The following STRBP variants were observed in gnomAD, a reference collection of about 807,000 sequenced individuals.
STRBP encodes the protein spermatid perinuclear RNA-binding protein.
STRBP carries 13 observed loss-of-function variants against 80.1 expected under a neutral mutation model. That is an observed-to-expected ratio of 0.16 (90% CI 0.11 to 0.26). The LOEUF (loss-of-function observed/expected upper bound fraction) is 0.26. Ranked by LOEUF, STRBP falls within the 10% of genes least tolerant of loss-of-function variation. The probability of loss-of-function intolerance (pLI) is 1.00; values close to 1 mark genes in which losing one functional copy is unlikely to be tolerated. For missense variants in STRBP, 485 were observed against 815.2 expected, an observed-to-expected ratio of 0.59 and a Z score of 4.93; for synonymous variants, 284 against 291.2, an observed-to-expected ratio of 0.98 and a Z score of 0.25.
chr9:123,204,955 GA>G (rs746699581), intron 2 of STRBP, among the ~76,000 whole-genome samples: 120 of 132,190 alleles, frequency 9.1e-4, no homozygotes, highest in Middle Eastern at 3.9e-3. Flanking sequence ...AGAAAGAAAG[GA>G]AAAAAAAAAA....
chr9:123,114,365 A>T (rs1366169793), intron 3 of STRBP: 1 of 167,172 alleles, frequency 6.0e-6, no homozygotes, highest in African/African-American at 2.4e-5. Flanking sequence ...ACGTCTTCCC[A>T]TGGGCTACAG....
intron 6 of STRBP, among the ~76,000 whole-genome samples, chr9:123,166,948 T>C (rs1263280089): frequency 6.6e-6 from 1 of 152,122 alleles, no homozygotes; most frequent in Non-Finnish European, 1.5e-5. Flanking sequence ...AGGAGGAAAC[T>C]TACCTATGAA....
intron 11 of STRBP, among the ~76,000 whole-genome samples, chr9:123,155,232 T>A (rs1417066464): frequency 6.6e-6 from 1 of 152,120 alleles, no homozygotes; most frequent in Non-Finnish European, 1.5e-5. Flanking sequence ...ATCAGATGAA[T>A]AAGGAGGTAG....
intron 11 of STRBP, among the ~76,000 whole-genome samples, chr9:123,156,743 C>A (rs2037304369): frequency 6.6e-6 from 1 of 150,940 alleles, no homozygotes; most frequent in Non-Finnish European, 1.5e-5. Context: ...TGTAGACTCT[C>A]TGAAAGTCTT....
chr9:123,156,422 G>T (rs2037286924), intron 11 of STRBP, among the ~76,000 whole-genome samples: 1 of 151,938 alleles, frequency 6.6e-6, no homozygotes, highest in African/African-American at 2.4e-5. Context: ...GGAGTTTACA[G>T]TGTGAGGCAC....
chr9:123,139,954 C>T (rs1452032295), intron 13 of STRBP, among the ~76,000 whole-genome samples: 2 of 152,082 alleles, frequency 1.3e-5, no homozygotes, highest in African/African-American at 4.8e-5. Context: ...ATTCCTAGTT[C>T]ATTTAATTTG....
chr9:123,149,292 C>T (rs2132358821), intron 11 of STRBP, among the ~76,000 whole-genome samples: 1 of 152,342 alleles, frequency 6.6e-6, no homozygotes, highest in East Asian at 1.9e-4. Flanking sequence ...CAACAGAAGG[C>T]AACGTTGGCT....
At chr9:123,263,946 G>A (rs941111548) in intron 1 of STRBP, among the ~76,000 whole-genome samples, 5 of 152,226 alleles carry the variant, frequency 3.3e-5, no homozygotes, top group Admixed American at 6.5e-5. Flanking sequence ...TTGGGAGGCC[G>A]AGGCGGGTGG....
At chr9:123,183,054 A>C (rs2038553132) in intron 3 of STRBP, among the ~76,000 whole-genome samples, 1 of 151,992 alleles carries the variant, frequency 6.6e-6, no homozygotes, top group Middle Eastern at 3.2e-3. Flanking sequence ...AATCAAAAAA[A>C]TCACCACCAA....
At chr9:123,116,989 T>A (rs986148485), downstream of STRBP, among the ~76,000 whole-genome samples, 1 of 152,198 alleles carries the variant, frequency 6.6e-6, no homozygotes, top group Non-Finnish European at 1.5e-5. Flanking sequence ...GGGGCCACAA[T>A]GCTTTGCCAC....
chr9:123,196,606 T>C (rs2039098682), intron 2 of STRBP, among the ~76,000 whole-genome samples: 2 of 152,150 alleles, frequency 1.3e-5, no homozygotes, highest in South Asian at 4.1e-4. Flanking sequence ...AAAGAAGGCA[T>C]ACTAATGGCA....
chr9:123,160,640 G>C (rs888839545), intron 7 of STRBP, among the ~76,000 whole-genome samples, 178 bp from the exon 8 acceptor site: 64 of 152,072 alleles, frequency 4.2e-4, no homozygotes, highest in African/African-American at 1.5e-3. Context: ...AAAAATAAAA[G>C]GACCATAATA....
Position 123,158,091 on chromosome 9 carries a change from A to G in STRBP, c.966T>C (p.Ile322=), listed in dbSNP as rs749516916. 6.2e-7 allele frequency: 1 copy of G among 1,610,138 alleles called. No homozygotes were observed. Among genetic ancestry groups the G allele is most frequent in the South Asian group, 1.1e-5 (1 of 90,726 alleles). The change falls in exon 11 of 19, where the codon ATT becomes ATC. Residue 322 remains isoleucine (I), a synonymous_variant. Coordinates refer to ENST00000348403, the MANE Select transcript of STRBP (RefSeq NM_018387.5). ...GGGGGTCCATCTCCAGCACTTTGTA[A>G]ATCTGGCCAAAGGCTGATAGTCTGA... is the stretch of plus-strand genomic sequence containing the variant. ...HALRLSAFGQ[I]YKVLEMDPLP... is the part of the protein sequence containing the mutation.
At chr9:123,127,025 C>T (rs569701111) in intron 18 of STRBP, among the ~76,000 whole-genome samples, 1 of 152,292 alleles carries the variant, frequency 6.6e-6, no homozygotes, top group East Asian at 1.9e-4. Context: ...TGACCACACC[C>T]GAGTGTGCCA....
At chr9:123,170,942 CAA>C (rs1323848104) in intron 5 of STRBP, among the ~76,000 whole-genome samples, 2 of 151,842 alleles carry the variant, frequency 1.3e-5, no homozygotes, top group Non-Finnish European at 2.9e-5. Context: ...TAAAAGAATT[CAA>C]AGTCACTTAT....
At chr9:123,238,934 G>C (rs1183840937) in intron 1 of STRBP, among the ~76,000 whole-genome samples, 2 of 152,138 alleles carry the variant, frequency 1.3e-5, no homozygotes, top group African/African-American at 2.4e-5. Context: ...AATTGTAAAG[G>C]CAGGAAGGTA....
intron 1 of STRBP, among the ~76,000 whole-genome samples, chr9:123,243,027 A>G (rs1259301625): frequency 6.6e-6 from 1 of 152,212 alleles, no homozygotes. Flanking sequence ...AATTTTTAAA[A>G]TAATAAAATT....
intron 2 of STRBP, among the ~76,000 whole-genome samples, chr9:123,206,029 G>C (rs1333933750): frequency 6.6e-6 from 1 of 152,102 alleles, no homozygotes; most frequent in Non-Finnish European, 1.5e-5. Flanking sequence ...CAATAGATTG[G>C]GGTCAAAAGA....
chr9:123,190,493 G>A (rs1248398783), intron 2 of STRBP, among the ~76,000 whole-genome samples: 1 of 150,182 alleles, frequency 6.7e-6, no homozygotes, highest in Admixed American at 6.6e-5. Flanking sequence ...GTGCAAGAAG[G>A]TTAAACCTAT....
Sources: allele counts gnomAD v4.1 joint callset (sites outside exome capture counted in the v4.1 genomes callset), GRCh38; gene constraint gnomAD v4.1.1; transcripts MANE v1.5; gene names NCBI Gene and HGNC (gene_info 2026-07-23, HGNC 2026-07-21).